The following RBFOX2 variants were observed in gnomAD, a reference collection of about 807,000 sequenced individuals.
RBFOX2 encodes RNA binding fox-1 homolog 2, also known as RNA binding protein fox-1 homolog 2.
RBFOX2 carries 10 observed loss-of-function variants against 49.1 expected under a neutral mutation model. The observed-to-expected ratio is 0.20, with a 90% CI of 0.13 to 0.35. The LOEUF (loss-of-function observed/expected upper bound fraction) is 0.35, where lower values mean the gene tolerates loss of function less well. RBFOX2 is among the 10% of genes least tolerant of loss of function. The pLI, the probability that RBFOX2 is intolerant of heterozygous loss-of-function variation, is 1.00. For synonymous variants in RBFOX2, 183 were observed against 187.4 expected, an observed-to-expected ratio of 0.98 and a Z score of 0.19; for missense variants, 323 against 486.9, an observed-to-expected ratio of 0.66 and a Z score of 3.17.
At chr22:35,834,131 C>T (rs1245564747) in intron 1 of RBFOX2, among the ~76,000 whole-genome samples, 2 of 152,144 alleles carry the variant, frequency 1.3e-5, no homozygotes, top group Non-Finnish European at 2.9e-5. Flanking sequence ...CATTAGAGTA[C>T]AGTGGTTAAG....
chr22:36,026,810 A>C (rs1282322844), intron 1 of RBFOX2, among the ~76,000 whole-genome samples: 4 of 152,256 alleles, frequency 2.6e-5, no homozygotes, highest in Non-Finnish European at 5.9e-5. Context: ...CAACAGAAGT[A>C]ACAGGGTAAA....
At chr22:35,828,486 T>C (rs1440263751) in intron 1 of RBFOX2, among the ~76,000 whole-genome samples, 2 of 152,168 alleles carry the variant, frequency 1.3e-5, no homozygotes, top group African/African-American at 2.4e-5. Flanking sequence ...AAGAGAGCTC[T>C]AAAGATCTCA....
intron 1 of RBFOX2, among the ~76,000 whole-genome samples, chr22:35,827,254 A>G (rs1425479332): frequency 6.6e-6 from 1 of 152,156 alleles, no homozygotes; most frequent in East Asian, 1.9e-4. Flanking sequence ...CCTATCTTTT[A>G]CACTGTTTAA....
chr22:35,798,741 G>C (rs1365881020), intron 2 of RBFOX2, among the ~76,000 whole-genome samples: 2 of 151,960 alleles, frequency 1.3e-5, no homozygotes, highest in African/African-American at 4.8e-5. Flanking sequence ...TTTAAAAGAA[G>C]GTAGCTCTAA....
chr22:35,947,027 A>G (rs1421168475), intron 1 of RBFOX2, among the ~76,000 whole-genome samples: 2 of 152,158 alleles, frequency 1.3e-5, no homozygotes. Context: ...CCCCATCTCT[A>G]CTAAAAATAC....
intron 1 of RBFOX2, among the ~76,000 whole-genome samples, chr22:35,848,302 T>C (rs542463840): frequency 1.3e-5 from 2 of 152,308 alleles, no homozygotes; most frequent in Non-Finnish European, 2.9e-5. Flanking sequence ...ATACAGTTCA[T>C]AGATAAGTGA....
At chr22:36,022,623 T>C (rs2059286280) in intron 1 of RBFOX2, among the ~76,000 whole-genome samples, 1 of 152,248 alleles carries the variant, frequency 6.6e-6, no homozygotes, top group Non-Finnish European at 1.5e-5. Flanking sequence ...CTGGTAGTGT[T>C]ACAGGCTTAA....
chr22:35,837,327 T>C (rs1228254679), intron 1 of RBFOX2, among the ~76,000 whole-genome samples: 2 of 152,158 alleles, frequency 1.3e-5, no homozygotes, highest in Non-Finnish European at 2.9e-5. Context: ...GCAAAGAACC[T>C]AAGTAGCAAA....
chr22:35,859,727 A>C (rs1006754818), intron 1 of RBFOX2, among the ~76,000 whole-genome samples: 3 of 152,134 alleles, frequency 2.0e-5, no homozygotes, highest in Non-Finnish European at 4.4e-5. Context: ...ATAGTTATTC[A>C]CTTTTTGTTT....
chr22:35,774,072 CTTTTCATTAAGCATCATG>C (rs1394691001), intron 4 of RBFOX2, among the ~76,000 whole-genome samples: 1 of 151,944 alleles, frequency 6.6e-6, no homozygotes, highest in Non-Finnish European at 1.5e-5. Context: ...TTTCTTTATA[CTTTTCATTAAGCATCATG>C]TTTTCCTTTT....
chr22:35,840,606 G>A, upstream of RBFOX2: 1 of 1,132,018 alleles, frequency 8.8e-7, no homozygotes, highest in Non-Finnish European at 1.1e-6. Flanking sequence ...GGTGTACGCT[G>A]TGCGCACGCG....
Position 35,789,354 on chromosome 22 carries a change from C to T in RBFOX2, c.253-7608G>A, listed in dbSNP as rs549782376. 2.3e-4 allele frequency among the ~76,000 whole-genome samples: 35 copies of T among 152,154 alleles called. 1 individual carries two copies. The South Asian group carries it at 7.3e-3, about 32-fold the overall frequency. On this transcript the variant is annotated intron_variant, in intron 2 of 11. Coordinates refer to ENST00000405409, the Ensembl canonical transcript of RBFOX2. ...GGTCACGAGTTCAAGACCAGCCTGG[C>T]CAGCATGGTGAAACCCTGTTTCTAC...
At chr22:36,008,411 T>C (rs1355709541) in intron 1 of RBFOX2, among the ~76,000 whole-genome samples, 1 of 152,078 alleles carries the variant, frequency 6.6e-6, no homozygotes. Context: ...ATAACCAAAG[T>C]GTTTAAAATG....
Position 35,759,587 on chromosome 22 carries a change from G to T in RBFOX2, c.887+301C>A, listed in dbSNP as rs1038017186. ...TGTTAATCCATATTCGTGCGCTTCT[G>T]AGTGAACTTCATGCCAACACACTGC... On this transcript the variant is annotated intron_variant, in intron 9 of 11. Transcript: ENST00000405409. This position sits in a 1 kb window ranked among gnomAD's most constrained non-coding sequence, Gnocchi z 4.6. Among the ~76,000 whole-genome samples the T allele has an allele frequency of 6.6e-6, 1 of 152,168 alleles. No homozygotes were observed. The highest frequency in any genetic ancestry group is 1.5e-5 in the Non-Finnish European group (1 of 68,034).
intron 1 of RBFOX2, among the ~76,000 whole-genome samples, chr22:35,900,485 T>G (rs1426776420): frequency 6.6e-6 from 1 of 151,694 alleles, no homozygotes; most frequent in African/African-American, 2.4e-5. Context: ...CCTCTATACA[T>G]AGTTTATATT....
chr22:35,980,075 G>T (rs1487791197), intron 1 of RBFOX2, among the ~76,000 whole-genome samples: 1 of 151,998 alleles, frequency 6.6e-6, no homozygotes, highest in Non-Finnish European at 1.5e-5. Flanking sequence ...ACTTGTACAG[G>T]GAATGTTGGG....
chr22:36,028,442 C>A lies in RBFOX2; in HGVS notation c.-17G>T, dbSNP rs1265045049. 19 of 1,193,778 alleles carry A rather than the reference C, an allele frequency of 1.6e-5. No homozygotes were observed. In the African/African-American group the frequency reaches 2.7e-4, roughly 17 times the overall value. 73.9% of individuals were successfully genotyped at this position (1,193,778 alleles called of 1,614,324 possible). A position where few individuals can be genotyped will look rare whatever the true frequency, so the allele number is the denominator to read the frequency against. ...CTCCGCCATCCGCCCGCGCCCCCCTCGCCTCCGGGAGCCGGGCGACCCGCG... is the reference window on the plus strand; with the variant it reads ...CTCCGCCATCCGCCCGCGCCCCCCTAGCCTCCGGGAGCCGGGCGACCCGCG... On this transcript the variant is annotated 5_prime_UTR_variant, in exon 1 of 14. Coordinates refer to the RBFOX2 transcript ENST00000438146.
chr22:35,964,564 C>T (rs1204947927), upstream of RBFOX2, among the ~76,000 whole-genome samples: 1 of 152,184 alleles, frequency 6.6e-6, no homozygotes, highest in Non-Finnish European at 1.5e-5. Flanking sequence ...AATGCCTACA[C>T]TGGCCCAGTT....
rs1009021083 is a variant in RBFOX2, at chr22:35,933,953, T to TATATATATATATATAC, written c.-34+4893_-34+4894insGTATATATATATATAT. ...ATATATATATATATATATATATATA[T>TATATATATATATATAC]ACACACATCAATGAAATAAATTAGA... is the stretch of plus-strand genomic sequence containing the variant. On this transcript the variant is annotated intron_variant, in intron 1 of 13. Coordinates refer to the RBFOX2 transcript ENST00000359369. 5.7e-3 allele frequency among the ~76,000 whole-genome samples: 804 copies of TATATATATATATATAC among 140,908 alleles called. 28 individuals carry two copies. Among genetic ancestry groups the TATATATATATATATAC allele is most frequent in the African/African-American group, 0.021 (754 of 35,632 alleles). The allele number at this position is 140,908 out of a possible 152,430, so 92.4% of individuals were successfully genotyped here.
Sources: gnomAD v4.1 joint callset for allele counts (sites outside exome capture counted in the v4.1 genomes callset) on GRCh38, gnomAD v4.1.1 for gene constraint, Gnocchi (gnomAD v3.1) non-coding constraint, MANE v1.5 for transcripts, NCBI Gene and HGNC (gene_info 2026-07-23, HGNC 2026-07-21) for gene names.